DUSP22: variants seen among roughly 807,000 people sequenced by gnomAD.
DUSP22 encodes dual specificity phosphatase 22, also known as dual specificity protein phosphatase 22.
DUSP22 carries 24 observed loss-of-function variants against 24.5 expected under a neutral mutation model. That is an observed-to-expected ratio of 0.98 (90% confidence interval 0.71 to 1.38). The LOEUF is 1.38. Ranked by LOEUF, DUSP22 falls within the 40% of genes most tolerant of loss-of-function variation. The pLI is 0.00. For missense variants in DUSP22, 330 were observed against 269.2 expected (o/e 1.23, Z -1.58); for synonymous variants, 160 against 106.4 (o/e 1.50, Z -3.10).
In DUSP22 at chr6:346,053, C is replaced by G. The variant is rs1305974371; in HGVS notation, c.263+125C>G. On this transcript the variant is annotated intron_variant, in intron 5 of 6. Transcript: ENST00000419235. ...ATAGTTTTCTGTAAACCCTGACTCT[C>G]AAACGCGTGCTCCATTTGTCCAGCG... 6 of 1,191,880 alleles carry G rather than the reference C, an allele frequency of 5.0e-6. No homozygotes were observed. In the East Asian group the frequency reaches 1.5e-4, roughly 30 times the overall value. The allele number at this position is 1,191,880 out of a possible 1,614,324, so 73.8% of individuals were successfully genotyped here.
At chr6:300,665 C>T (rs1313671492) in intron 1 of DUSP22, among the ~76,000 whole-genome samples, 1 of 152,298 alleles carries the variant, frequency 6.6e-6, no homozygotes, top group Non-Finnish European at 1.5e-5. Context: ...CTGGTCCTAG[C>T]AGGGCGGGTA....
chr6:350,302 C>G lies in DUSP22; in HGVS notation c.*1351C>G, dbSNP rs568799286. ...CACGAGAGCATCTACAGTTTGTACTCTGGGGCTGCAGGCATCCTGGGACGC... is the reference window on the plus strand; with the variant it reads ...CACGAGAGCATCTACAGTTTGTACTGTGGGGCTGCAGGCATCCTGGGACGC... On this transcript the variant is annotated 3_prime_UTR_variant, in exon 7 of 7. Coordinates refer to ENST00000419235, the MANE Select transcript of DUSP22 (RefSeq NM_001286555.3). 483 of 998,192 alleles carry G rather than the reference C, an allele frequency of 4.8e-4. No individual in the cohort carries two copies. The African/African-American group carries it at 7.8e-3, about 16-fold the overall frequency. 61.8% of individuals were successfully genotyped at this position (998,192 alleles called of 1,614,324 possible). A position where few individuals can be genotyped will look rare whatever the true frequency, so the allele number is the denominator to read the frequency against.
chr6:306,977 A>T (rs1360633163), intron 2 of DUSP22, among the ~76,000 whole-genome samples: 1 of 152,292 alleles, frequency 6.6e-6, no homozygotes, highest in Non-Finnish European at 1.5e-5. Flanking sequence ...GTGCCCTGAT[A>T]AATAAGCACC....
At chr6:329,413 C>G (rs1448047271) in intron 3 of DUSP22, among the ~76,000 whole-genome samples, 1 of 152,308 alleles carries the variant, frequency 6.6e-6, no homozygotes, top group African/African-American at 2.4e-5. Flanking sequence ...TGTGAATGTA[C>G]TTAAGGCCAC....
rs202004005 is a variant in DUSP22 at position 322,839 on chromosome 6, G to GC, written c.138+10877_138+10878insC. 7.2e-3 allele frequency among the ~76,000 whole-genome samples: 1,079 copies of GC among 149,106 alleles called. 7 individuals carry two copies. Among genetic ancestry groups the GC allele is most frequent in the African/African-American group, 0.025 (1,013 of 40,642 alleles). On this transcript the variant is annotated intron_variant, in intron 3 of 6. Coordinates refer to ENST00000419235, the MANE Select transcript of DUSP22 (RefSeq NM_001286555.3). ...GGTTATGGCTGCTTGGTGGGGCGGG[G>GC]GGGGGCCTTCGAGTCTGCAATAGGA...
At chr6:335,044 TC>T in intron 3 of DUSP22, 69 bp from the exon 4 acceptor site, 1 of 1,540,970 alleles carries the variant, frequency 6.5e-7, no homozygotes, top group Non-Finnish European at 8.9e-7. Context: ...TGTAAATAGT[TC>T]CTTAAATACT....
chr6:344,218 G>A (rs796137473), intron 4 of DUSP22, among the ~76,000 whole-genome samples: 7 of 149,874 alleles, frequency 4.7e-5, no homozygotes, highest in African/African-American at 1.3e-4. Flanking sequence ...GAAAAGGGCA[G>A]TCTGAAAAAC....
At chr6:307,300 G>T (rs556670069) in intron 2 of DUSP22, among the ~76,000 whole-genome samples, 30 of 151,428 alleles carry the variant, frequency 2.0e-4, no homozygotes, top group African/African-American at 7.0e-4. Context: ...TCCCCTTCCC[G>T]TTTCCTTTCT....
At position 314,420 on chromosome 6, in the gene DUSP22, C is replaced by T. The variant is rs199917463; in HGVS notation, c.138+2458C>T. On this transcript the variant is annotated intron_variant, in intron 3 of 6. Transcript: ENST00000419235. ...TGCGAGCCCTGCTGCTGTGAAGCGA[C>T]GTATTGGGCACTACACTGTGGATAC... is the stretch of plus-strand genomic sequence containing the variant. Among the ~76,000 whole-genome samples the T allele has an allele frequency of 4.9e-4, 74 of 152,408 alleles. No homozygotes were observed. The East Asian group carries it at 0.011, about 22-fold the overall frequency.
At chr6:317,910 GT>G (rs1758406345) in intron 3 of DUSP22, among the ~76,000 whole-genome samples, 1 of 152,302 alleles carries the variant, frequency 6.6e-6, no homozygotes, top group African/African-American at 2.4e-5. Context: ...GTCTCATCAC[GT>G]CTTTGGCCCC....
intron 3 of DUSP22, among the ~76,000 whole-genome samples, chr6:315,462 A>G (rs1758300255): frequency 6.6e-6 from 1 of 152,422 alleles, no homozygotes; most frequent in South Asian, 2.1e-4. Context: ...CCTCTCCCAG[A>G]CTGGGGATTT....
rs1581181615 is a variant in DUSP22 at position 334,983 on chromosome 6, C to T, written c.139-131C>T. Reference sequence around the variant, plus strand: ...TAGTTTTTCTGCAGTTCCTTGGCAACAAAAGATGAGTGAAAAACTTCTCCT... The same window carrying T: ...TAGTTTTTCTGCAGTTCCTTGGCAATAAAAGATGAGTGAAAAACTTCTCCT... On this transcript the variant is annotated intron_variant, in intron 3 of 6. Coordinates refer to ENST00000419235, the MANE Select transcript of DUSP22 (RefSeq NM_001286555.3). The T allele has an allele frequency of 1.3e-5, 14 of 1,100,824 alleles. No individual in the cohort carries two copies. The East Asian group carries it at 3.5e-4, about 27-fold the overall frequency. 68.2% of individuals were successfully genotyped at this position (1,100,824 alleles called of 1,614,324 possible). A position where few individuals can be genotyped will look rare whatever the true frequency, so the allele number is the denominator to read the frequency against.
chr6:310,786 C>G (rs1274719083), intron 2 of DUSP22, among the ~76,000 whole-genome samples: 1 of 152,300 alleles, frequency 6.6e-6, no homozygotes, highest in Admixed American at 6.5e-5. Flanking sequence ...AAAGACTGAC[C>G]TAAGGTCATC....
chr6:343,374 T>C (rs1202199957), intron 4 of DUSP22, among the ~76,000 whole-genome samples: 1 of 152,122 alleles, frequency 6.6e-6, no homozygotes, highest in Non-Finnish European at 1.5e-5. Context: ...GTGCACAGGC[T>C]GGGGCAGCTG....
chr6:322,831 G>GGA lies in DUSP22; in HGVS notation c.138+10870_138+10871insAG, dbSNP rs1491351178. On this transcript the variant is annotated intron_variant, in intron 3 of 6. Transcript: ENST00000419235. The stretch of plus-strand genomic sequence containing the variant: ...ATTCCGTGGGTTATGGCTGCTTGGT[G>GGA]GGGCGGGGGGGGGCCTTCGAGTCTG... 1.2e-3 allele frequency among the ~76,000 whole-genome samples: 133 copies of GGA among 108,840 alleles called. 2 individuals carry two copies. Among genetic ancestry groups the GGA allele is most frequent in the African/African-American group, 4.5e-3 (129 of 28,430 alleles). The allele number at this position is 108,840 out of a possible 152,430, so 71.4% of individuals were successfully genotyped here.
At chr6:348,503 C>A in intron 6 of DUSP22, 2 of 860,700 alleles carry the variant, frequency 2.3e-6, no homozygotes, top group South Asian at 1.8e-5. Flanking sequence ...CCTGGTACTC[C>A]CTACTAGTTT....
chr6:345,278 T>C (rs112377341), intron 4 of DUSP22, among the ~76,000 whole-genome samples: 678 of 152,030 alleles, frequency 4.5e-3, no homozygotes, highest in African/African-American at 0.015. Flanking sequence ...CGTGTGATCT[T>C]GGCTCACTGT....
At chr6:321,133 A>G (rs1323767585) in intron 3 of DUSP22, among the ~76,000 whole-genome samples, 1 of 152,294 alleles carries the variant, frequency 6.6e-6, no homozygotes, top group East Asian at 1.9e-4. Context: ...GCAGTGATGG[A>G]GATGACAGGT....
At chr6:345,824 G>T (rs755496719) in intron 4 of DUSP22, 30 bp from the exon 5 acceptor site, 1 of 1,610,356 alleles carries the variant, frequency 6.2e-7, no homozygotes, top group Admixed American at 1.7e-5. Context: ...AAAGTAGAGA[G>T]ATGTCATTTC....
Sources: gnomAD v4.1 joint callset for allele counts (sites outside exome capture counted in the v4.1 genomes callset) on GRCh38, gnomAD v4.1.1 for gene constraint, MANE v1.5 for transcripts, NCBI Gene and HGNC (gene_info 2026-07-23, HGNC 2026-07-21) for gene names.